Variants in RMND5A observed in about 807,000 individuals in gnomAD.
The protein encoded by RMND5A is E3 ubiquitin-protein transferase RMND5A.
RMND5A carries 17 observed loss-of-function variants against 49.7 expected under a neutral mutation model. The observed-to-expected ratio is 0.34, with a 90% CI of 0.23 to 0.51. The LOEUF (loss-of-function observed/expected upper bound fraction) is 0.51, where lower values mean the gene tolerates loss of function less well. Ranked by LOEUF, RMND5A falls within the 20% of genes least tolerant of loss-of-function variation. The probability of loss-of-function intolerance (pLI) is 0.96; values close to 1 mark genes in which losing one functional copy is unlikely to be tolerated. For synonymous variants in RMND5A, 156 were observed against 167.7 expected, an observed-to-expected ratio of 0.93 and a Z score of 0.54; for missense variants, 255 against 471.3, an observed-to-expected ratio of 0.54 and a Z score of 4.25.
Position 86,776,328 on chromosome 2 carries a change from T to G in RMND5A, c.*2917T>G, listed in dbSNP as rs1035209746. On this transcript the variant is annotated 3_prime_UTR_variant, in exon 9 of 9. Coordinates refer to ENST00000283632, the MANE Select transcript of RMND5A (RefSeq NM_022780.4). ...TTGGTGCCTCTTTATTTTAAAAAAT[T>G]TGAAGAAAAGAGCCACCTCATATTC... is the stretch of plus-strand genomic sequence containing the variant. 6.6e-6 allele frequency: 1 copy of G among 152,188 alleles called. No homozygotes were observed. The highest frequency in any genetic ancestry group is 2.4e-5 in the African/African-American group (1 of 41,448). 9.4% of individuals were successfully genotyped at this position (152,188 alleles called of 1,614,324 possible).
chr2:86,724,117 A>T, intron 1 of RMND5A, among the ~76,000 whole-genome samples: 1 of 147,270 alleles, frequency 6.8e-6, no homozygotes, highest in Non-Finnish European at 1.5e-5. Flanking sequence ...ATGGGGTTGG[A>T]CTGGTATCAG....
intron 8 of RMND5A, among the ~76,000 whole-genome samples, chr2:86,772,339 C>G (rs1481329681): frequency 1.3e-5 from 2 of 152,010 alleles, no homozygotes; most frequent in African/African-American, 4.8e-5. Flanking sequence ...CCTGTAGTCC[C>G]AGTTACTCAG....
chr2:86,723,934 G>A (rs1204648927), intron 1 of RMND5A, among the ~76,000 whole-genome samples: 9 of 151,836 alleles, frequency 5.9e-5, no homozygotes, highest in Non-Finnish European at 8.8e-5. Context: ...AATTTCTCTC[G>A]TTAATCTTTT....
intron 6 of RMND5A, among the ~76,000 whole-genome samples, chr2:86,767,709 AG>A (rs1672624676): frequency 6.6e-6 from 1 of 152,246 alleles, no homozygotes; most frequent in Non-Finnish European, 1.5e-5. Flanking sequence ...TTAATGTAGC[AG>A]GGTACAAAAA....
At chr2:86,762,829 C>T (rs1302673257) in intron 4 of RMND5A, among the ~76,000 whole-genome samples, 1 of 151,090 alleles carries the variant, frequency 6.6e-6, no homozygotes, top group East Asian at 1.9e-4. Context: ...TGGCTTGAGC[C>T]CAGAAGTTCG....
chr2:86,721,493 G>A (rs1050650982), intron 1 of RMND5A, among the ~76,000 whole-genome samples: 22 of 151,898 alleles, frequency 1.4e-4, no homozygotes, highest in Non-Finnish European at 1.8e-4. Flanking sequence ...ACACCGAGGA[G>A]GAACGGGCGA....
intron 4 of RMND5A, among the ~76,000 whole-genome samples, chr2:86,760,717 A>G (rs901096042): frequency 6.6e-6 from 1 of 151,572 alleles, no homozygotes; most frequent in African/African-American, 2.4e-5. Flanking sequence ...ACTTGGCAAC[A>G]AGAAAAACCT....
Position 86,750,812 on chromosome 2 carries a change from T to C in RMND5A, c.286-1084T>C, listed in dbSNP as rs140811434. Reference sequence around the variant, plus strand: ...TAAACTGGTGTTCAGATTGGATGAATTCTATTGATTTTCACTGACTTTTTG... The same window carrying C: ...TAAACTGGTGTTCAGATTGGATGAACTCTATTGATTTTCACTGACTTTTTG... On this transcript the variant is annotated intron_variant, in intron 2 of 8. Coordinates refer to ENST00000283632, the MANE Select transcript of RMND5A (RefSeq NM_022780.4). Among the ~76,000 whole-genome samples, 721 of 151,918 alleles carry C rather than the reference T, an allele frequency of 4.7e-3. 4 individuals are homozygous for C. The highest frequency in any genetic ancestry group is 0.017 in the African/African-American group (694 of 41,436).
chr2:86,721,583 C>T (rs571102685), intron 1 of RMND5A, among the ~76,000 whole-genome samples: 9 of 151,994 alleles, frequency 5.9e-5, no homozygotes, highest in Admixed American at 3.3e-4. Context: ...AATAAATTTT[C>T]CTATAGAAGG....
chr2:86,721,575 T>C (rs1219648102), intron 1 of RMND5A, among the ~76,000 whole-genome samples: 8 of 151,800 alleles, frequency 5.3e-5, no homozygotes, highest in Admixed American at 5.3e-4. Flanking sequence ...TCAAAAAAAA[T>C]AAATTTTCCT....
intron 6 of RMND5A, among the ~76,000 whole-genome samples, chr2:86,768,090 G>A (rs559052354): frequency 1.6e-4 from 25 of 152,062 alleles, no homozygotes; most frequent in Non-Finnish European, 3.2e-4. Flanking sequence ...TAATGGCATG[G>A]TATTTTATTT....
intron 1 of RMND5A, among the ~76,000 whole-genome samples, chr2:86,733,907 T>TTTCACATAAAGG (rs1370303196): frequency 2.0e-5 from 3 of 148,920 alleles, no homozygotes; most frequent in African/African-American, 5.2e-5. Context: ...ATCCAGTTTC[T>TTTCACATAAAGG]TTCACATAAA....
At chr2:86,772,380 G>A (rs1185242099) in intron 8 of RMND5A, among the ~76,000 whole-genome samples, 2 of 152,068 alleles carry the variant, frequency 1.3e-5, no homozygotes, top group South Asian at 2.1e-4. Flanking sequence ...GCGTGAACCC[G>A]AGAGGCAGAG....
intron 6 of RMND5A, among the ~76,000 whole-genome samples, chr2:86,766,661 CAAAAAAAAAAA>C (rs59511898): frequency 1.3e-5 from 1 of 77,014 alleles, no homozygotes; most frequent in Admixed American, 1.2e-4. Flanking sequence ...GAGACTGTCT[CAAAAAAAAAAA>C]AAAAAAAAAA....
chr2:86,750,063 G>A (rs1681607385), intron 2 of RMND5A, among the ~76,000 whole-genome samples: 1 of 152,166 alleles, frequency 6.6e-6, no homozygotes, highest in Non-Finnish European at 1.5e-5. Flanking sequence ...TGCAATTTTA[G>A]TTAAATCTAA....
In RMND5A at chr2:86,777,915, G is replaced by A. The variant is rs1422270599; in HGVS notation, c.*4504G>A. On this transcript the variant is annotated 3_prime_UTR_variant, in exon 9 of 9. Coordinates refer to ENST00000283632, the MANE Select transcript of RMND5A (RefSeq NM_022780.4). ...CTGATATATTTAATTTATAAATTTC[G>A]GACTGATATAATAGAGTTTTGGAAA... 3 of 151,946 alleles carry A rather than the reference G, an allele frequency of 2.0e-5. No homozygotes were observed. The highest frequency in any genetic ancestry group is 7.3e-5 in the African/African-American group (3 of 41,360). 9.4% of individuals were successfully genotyped at this position (151,946 alleles called of 1,614,324 possible).
intron 2 of RMND5A, among the ~76,000 whole-genome samples, chr2:86,743,455 TTTTG>T (rs1010356041): frequency 6.8e-6 from 1 of 147,556 alleles, no homozygotes; most frequent in Non-Finnish European, 1.5e-5. Flanking sequence ...TGTTTTTGGT[TTTTG>T]TTTTTGTTTC....
intron 8 of RMND5A, 42 bp downstream of exon 8, chr2:86,771,754 G>A (rs577395385): frequency 6.5e-7 from 1 of 1,544,860 alleles, no homozygotes; most frequent in Non-Finnish European, 8.9e-7. Flanking sequence ...AATAAATTTT[G>A]TTTTGGAACT....
chr2:86,771,468 A>T (rs897878697), intron 7 of RMND5A, 90 bp from the exon 8 acceptor site: 4 of 1,128,092 alleles, frequency 3.5e-6, no homozygotes, highest in Non-Finnish European at 5.0e-6. Context: ...GATCTGATCA[A>T]TGTTCTTTGC....
Sources: allele counts gnomAD v4.1 joint callset (sites outside exome capture counted in the v4.1 genomes callset), GRCh38; gene constraint gnomAD v4.1.1; transcripts MANE v1.5; gene names NCBI Gene and HGNC (gene_info 2026-07-23, HGNC 2026-07-21).